The following SLC9A1 variants were observed in gnomAD, a reference collection of about 807,000 sequenced individuals.
SLC9A1 encodes the protein sodium/hydrogen exchanger 1.
In SLC9A1, 22 loss-of-function variants were observed where a neutral mutation model predicts 67.9. That is an observed-to-expected ratio of 0.32 (90% CI 0.23 to 0.46). The LOEUF is 0.46. Among genes scored for constraint, SLC9A1 ranks in the 20% least tolerant of loss-of-function variants. The pLI is 1.00. For missense variants in SLC9A1, 686 were observed against 1,094.8 expected (o/e 0.63, Z 5.27); for synonymous variants, 421 against 471.8 (o/e 0.89, Z 1.40).
intron 5 of SLC9A1, among the ~76,000 whole-genome samples, chr1:27,104,598 A>G (rs528386201): frequency 1.2e-3 from 177 of 151,866 alleles, no homozygotes; most frequent in African/African-American, 4.0e-3. Flanking sequence ...CATGTTGCCT[A>G]GGCTGCTCTT....
intron 2 of SLC9A1, among the ~76,000 whole-genome samples, chr1:27,112,299 A>G (rs1479607032): frequency 1.3e-5 from 2 of 152,184 alleles, no homozygotes; most frequent in Non-Finnish European, 2.9e-5. Context: ...TGAACACCAC[A>G]GTCTGTCTCT....
rs537657972 is a variant in SLC9A1, at chr1:27,118,950, G to C, written c.353-4664C>G. Among the ~76,000 whole-genome samples the C allele has an allele frequency of 6.6e-6, 1 of 151,888 alleles. No individual in the cohort carries two copies. The highest frequency in any genetic ancestry group is 1.9e-4 in the East Asian group (1 of 5,160). On this transcript the variant is annotated intron_variant, in intron 1 of 11. Coordinates refer to ENST00000263980, the MANE Select transcript of SLC9A1 (RefSeq NM_003047.5). This position sits in a 1 kb window ranked among gnomAD's most constrained non-coding sequence, Gnocchi z 4.3. The stretch of plus-strand genomic sequence containing the variant: ...AGCACAGCCACAGGCCAAACCCTCT[G>C]ACACAGTTCAGAGTTGGCGCTCCTT...
At chr1:27,140,180 C>T (rs1043280247) in intron 1 of SLC9A1, among the ~76,000 whole-genome samples, 3 of 152,110 alleles carry the variant, frequency 2.0e-5, no homozygotes, top group Non-Finnish European at 4.4e-5. Flanking sequence ...CCCTCCCGCA[C>T]ACCCACAGCT....
intron 1 of SLC9A1, among the ~76,000 whole-genome samples, chr1:27,125,279 T>G (rs2083335390): frequency 7.9e-6 from 1 of 125,954 alleles, no homozygotes; most frequent in Admixed American, 9.4e-5. Flanking sequence ...ACAGTCTTGC[T>G]CTGTCATCTA....
rs1362681166 is a variant in SLC9A1 at position 27,128,776 on chromosome 1, G to A, written c.353-14490C>T. Among the ~76,000 whole-genome samples, 4 of 151,876 alleles carry A rather than the reference G, an allele frequency of 2.6e-5. No individual in the cohort carries two copies. In the East Asian group the frequency reaches 7.7e-4, roughly 29 times the overall value. ...AGTTTGAGACCAGCCTGGCCAACAT[G>A]GTGAAACCCCATCTCTATTAAAAAT... On this transcript the variant is annotated intron_variant, in intron 1 of 11. Transcript: ENST00000263980.
At chr1:27,111,257 TG>T (rs1264301581) in intron 2 of SLC9A1, among the ~76,000 whole-genome samples, 1 of 152,082 alleles carries the variant, frequency 6.6e-6, no homozygotes, top group Non-Finnish European at 1.5e-5. Context: ...GTCTACCACA[TG>T]GGCCCATGGA....
intron 1 of SLC9A1, among the ~76,000 whole-genome samples, chr1:27,119,438 C>T (rs1482851041): frequency 1.3e-5 from 2 of 152,188 alleles, no homozygotes; most frequent in Non-Finnish European, 2.9e-5. Flanking sequence ...GGCTGCAACT[C>T]GGCCAGGTCC....
chr1:27,144,468 C>T (rs1038839990), intron 1 of SLC9A1, among the ~76,000 whole-genome samples: 4 of 152,342 alleles, frequency 2.6e-5, no homozygotes, highest in South Asian at 2.1e-4. Flanking sequence ...CACTGGCTGG[C>T]GCCTAAGGCA....
chr1:27,125,981 C>T (rs1243306917), intron 1 of SLC9A1, among the ~76,000 whole-genome samples: 2 of 152,200 alleles, frequency 1.3e-5, no homozygotes, highest in Non-Finnish European at 2.9e-5. Flanking sequence ...TGAATCTCCA[C>T]TCACTGTCCC....
At chr1:27,125,444 C>A (rs2083336596) in intron 1 of SLC9A1, among the ~76,000 whole-genome samples, 1 of 151,826 alleles carries the variant, frequency 6.6e-6, no homozygotes, top group Non-Finnish European at 1.5e-5. Flanking sequence ...CAGGATTTCA[C>A]CATGTTGGTG....
At chr1:27,103,543 C>A (rs2083162587) in intron 5 of SLC9A1, 2 of 561,332 alleles carry the variant, frequency 3.6e-6, no homozygotes, top group Non-Finnish European at 6.4e-6. Context: ...TGCCAAATGA[C>A]CCCCACACTG....
chr1:27,126,673 C>G (rs542661289), intron 1 of SLC9A1, among the ~76,000 whole-genome samples: 74 of 152,306 alleles, frequency 4.9e-4, no homozygotes, highest in Non-Finnish European at 3.4e-4. Flanking sequence ...GGGACCCTGT[C>G]CTATTCATCT....
intron 2 of SLC9A1, among the ~76,000 whole-genome samples, chr1:27,110,953 C>T (rs1180999671): frequency 3.9e-5 from 6 of 152,190 alleles, no homozygotes; most frequent in Admixed American, 2.6e-4. Context: ...AGGAATGGAC[C>T]GTGAGGAGTG....
Position 27,101,990 on chromosome 1 carries a change from G to A in SLC9A1, c.1935+26C>T, listed in dbSNP as rs2124128076. 1 of 1,562,382 alleles carries A rather than the reference G, an allele frequency of 6.4e-7. No homozygotes were observed. Among genetic ancestry groups the A allele is most frequent in the South Asian group, 1.1e-5 (1 of 90,050 alleles). ...GGCTGAAGGGCTCCTGTACCCTGGG[G>A]GTCGGGCTGGGGAGCAGGCCCTCAC... On this transcript the variant is annotated intron_variant, in intron 9 of 11. Transcript: ENST00000263980. The surrounding 1 kb of genome is among the most constrained non-coding windows in gnomAD (Gnocchi z 4.9).
chr1:27,150,547 T>C (rs1436425593), intron 1 of SLC9A1, among the ~76,000 whole-genome samples: 1 of 152,120 alleles, frequency 6.6e-6, no homozygotes, highest in African/African-American at 2.4e-5. Flanking sequence ...GGGTGGGGAA[T>C]GCACCTAACT....
intron 7 of SLC9A1, 26 bp downstream of exon 7, chr1:27,102,647 G>A (rs765922995): frequency 2.5e-6 from 4 of 1,612,804 alleles, no homozygotes; most frequent in Admixed American, 1.7e-5. Context: ...GCCCCTCCCT[G>A]CCTGCCCACC....
At chr1:27,115,337 A>G (rs372435788) in intron 1 of SLC9A1, among the ~76,000 whole-genome samples, 1 of 152,262 alleles carries the variant, frequency 6.6e-6, no homozygotes, top group Admixed American at 6.5e-5. Context: ...ATCCCCGTTG[A>G]GAGGGCCTCT....
chr1:27,143,046 TAAAAA>T (rs55970751), intron 1 of SLC9A1, among the ~76,000 whole-genome samples: 4 of 98,460 alleles, frequency 4.1e-5, no homozygotes, highest in Admixed American at 1.1e-4. Context: ...ATCAACTGTG[TAAAAA>T]AAAAAAAAAA....
rs1383625017 is a variant in SLC9A1, at chr1:27,147,221, AC to A, written c.352+6761del. Among the ~76,000 whole-genome samples the A allele has an allele frequency of 4.5e-5, 6 of 134,712 alleles. No homozygotes were observed. The Admixed American group carries it at 5.0e-4, about 11-fold the overall frequency. The allele number at this position is 134,712 out of a possible 152,430, so 88.4% of individuals were successfully genotyped here. On this transcript the variant is annotated intron_variant, in intron 1 of 11. Transcript: ENST00000263980. ...AGGCTGAGGCAGAAGAATCACTTGA[AC>A]CCGGGAGGCGGAGGTTGCAGTGAGC...
Sources: gnomAD v4.1 joint callset for allele counts (sites outside exome capture counted in the v4.1 genomes callset) on GRCh38, gnomAD v4.1.1 for gene constraint, Gnocchi (gnomAD v3.1) non-coding constraint, MANE v1.5 for transcripts, NCBI Gene and HGNC (gene_info 2026-07-23, HGNC 2026-07-21) for gene names.